EBF2: variants seen among roughly 807,000 people sequenced by gnomAD.
EBF2 encodes the protein transcription factor COE2.
EBF2 carries 21 observed loss-of-function variants against 72.8 expected under a neutral mutation model. The observed-to-expected ratio is 0.29, with a 90% CI of 0.20 to 0.42. EBF2 has a LOEUF of 0.42. Among genes scored for constraint, EBF2 ranks in the 10% least tolerant of loss-of-function variants. The probability of loss-of-function intolerance (pLI) is 1.00; values close to 1 mark genes in which losing one functional copy is unlikely to be tolerated. For synonymous variants in EBF2, 299 were observed against 274.2 expected (o/e 1.09, Z -0.89); for missense variants, 637 against 731.2 (o/e 0.87, Z 1.49).
intron 13 of EBF2, among the ~76,000 whole-genome samples, chr8:25,859,931 G>A (rs1005836227): frequency 6.6e-5 from 10 of 151,966 alleles, no homozygotes; most frequent in African/African-American, 2.4e-4. Flanking sequence ...TGCCCAGGCT[G>A]GTCTCAAACT....
intron 8 of EBF2, among the ~76,000 whole-genome samples, chr8:25,888,818 G>A (rs922847064): frequency 1.1e-4 from 17 of 152,108 alleles, no homozygotes; most frequent in African/African-American, 4.1e-4. Context: ...GAGAACTTTG[G>A]CAGGACTCCA....
At chr8:26,042,456 G>T (rs1253728284) in intron 1 of EBF2, among the ~76,000 whole-genome samples, 1 of 152,152 alleles carries the variant, frequency 6.6e-6, no homozygotes, top group Non-Finnish European at 1.5e-5. Flanking sequence ...TGGGTGGCAG[G>T]GTTGATACCT....
intron 6 of EBF2, among the ~76,000 whole-genome samples, chr8:25,971,668 A>G (rs996321233): frequency 1.3e-5 from 2 of 152,202 alleles, no homozygotes; most frequent in Non-Finnish European, 2.9e-5. Context: ...GGGAAGAAAA[A>G]AAAACACAAA....
intron 6 of EBF2, among the ~76,000 whole-genome samples, chr8:25,969,565 C>A (rs188687573): frequency 5.3e-5 from 8 of 152,200 alleles, no homozygotes; most frequent in African/African-American, 1.9e-4. Flanking sequence ...GAGATGGTAA[C>A]AGGGCAAAGA....
At chr8:26,036,218 G>A (rs1279261125) in intron 5 of EBF2, among the ~76,000 whole-genome samples, 3 of 152,170 alleles carry the variant, frequency 2.0e-5, no homozygotes, top group Non-Finnish European at 4.4e-5. Context: ...GCCTTCCGTG[G>A]GGATTTCCTC....
chr8:25,982,179 A>T (rs768409713), intron 6 of EBF2, among the ~76,000 whole-genome samples: 16 of 152,208 alleles, frequency 1.1e-4, no homozygotes, highest in Non-Finnish European at 1.6e-4. Flanking sequence ...TATGCTTCAA[A>T]AACAGTTGAA....
intron 6 of EBF2, among the ~76,000 whole-genome samples, chr8:26,020,917 T>C (rs919713653): frequency 6.6e-6 from 1 of 152,198 alleles, no homozygotes; most frequent in Non-Finnish European, 1.5e-5. Context: ...AAGTAAAGTC[T>C]GGCTCTTGTT....
intron 10 of EBF2, among the ~76,000 whole-genome samples, chr8:25,865,822 G>C (rs1020857163): frequency 6.6e-6 from 1 of 151,510 alleles, no homozygotes; most frequent in African/African-American, 2.4e-5. Context: ...TCAGGAGATC[G>C]AGACTATCCT....
At chr8:25,882,942 G>C (rs532026377) in intron 10 of EBF2, among the ~76,000 whole-genome samples, 1 of 152,336 alleles carries the variant, frequency 6.6e-6, no homozygotes, top group South Asian at 2.1e-4. Context: ...GAAGAAAACA[G>C]AGATATTTTA....
chr8:25,912,698 C>T (rs1407343540), intron 6 of EBF2, among the ~76,000 whole-genome samples: 3 of 152,076 alleles, frequency 2.0e-5, no homozygotes, highest in African/African-American at 7.2e-5. Context: ...CCAGAAAGTT[C>T]AGGCACAGTG....
chr8:25,924,689 C>T (rs552107545), intron 6 of EBF2, among the ~76,000 whole-genome samples: 6 of 152,256 alleles, frequency 3.9e-5, no homozygotes, highest in South Asian at 2.1e-4. Context: ...TAGCTTTGTT[C>T]GCAGAGAAAA....
chr8:25,852,840 C>CTGTT (rs1458676226), intron 14 of EBF2, among the ~76,000 whole-genome samples: 1 of 152,190 alleles, frequency 6.6e-6, no homozygotes, highest in Non-Finnish European at 1.5e-5. Context: ...CTATGTTTAT[C>CTGTT]TGTTTCATAA....
intron 6 of EBF2, among the ~76,000 whole-genome samples, chr8:26,002,562 C>A (rs539239739): frequency 3.8e-5 from 5 of 133,078 alleles, no homozygotes. Context: ...CTCCCTACGG[C>A]CCTTCCTCAA....
At chr8:26,010,329 G>A (rs1038895842) in intron 6 of EBF2, among the ~76,000 whole-genome samples, 1 of 152,180 alleles carries the variant, frequency 6.6e-6, no homozygotes, top group Admixed American at 6.5e-5. Flanking sequence ...TCCACAGACC[G>A]AAAGGAAACT....
At chr8:26,036,297 G>A (rs1416628605) in intron 5 of EBF2, among the ~76,000 whole-genome samples, 1 of 151,756 alleles carries the variant, frequency 6.6e-6, no homozygotes, top group Non-Finnish European at 1.5e-5. Context: ...GAAAGAACTT[G>A]GGAGGAAATG....
At chr8:25,937,818 C>T (rs1585201428) in intron 6 of EBF2, among the ~76,000 whole-genome samples, 1 of 152,124 alleles carries the variant, frequency 6.6e-6, no homozygotes, top group Non-Finnish European at 1.5e-5. Flanking sequence ...TGTTTTAAAA[C>T]AGATGTGGGC....
intron 6 of EBF2, among the ~76,000 whole-genome samples, chr8:25,971,404 G>A (rs886692595): frequency 2.0e-5 from 3 of 152,242 alleles, no homozygotes; most frequent in South Asian, 2.1e-4. Flanking sequence ...AGGTGGCAGC[G>A]GGAACAAGAG....
At chr8:26,040,583 A>G in intron 4 of EBF2, 33 bp downstream of exon 4, 1 of 1,548,128 alleles carries the variant, frequency 6.5e-7, no homozygotes. Context: ...GGTCAGAGAC[A>G]GGCGAAGAGA....
At chr8:25,953,813 C>T (rs1803900580) in intron 6 of EBF2, among the ~76,000 whole-genome samples, 1 of 152,214 alleles carries the variant, frequency 6.6e-6, no homozygotes, top group Non-Finnish European at 1.5e-5. Flanking sequence ...CAACATCACA[C>T]AGAGCTGGAC....
Sources: gnomAD v4.1 joint callset for allele counts (sites outside exome capture counted in the v4.1 genomes callset) on GRCh38, gnomAD v4.1.1 for gene constraint, MANE v1.5 for transcripts, NCBI Gene and HGNC (gene_info 2026-07-23, HGNC 2026-07-21) for gene names.